Variants in ESRP1 observed in about 807,000 individuals in gnomAD.
ESRP1 encodes epithelial splicing regulatory protein 1.
ESRP1 carries 33 observed loss-of-function variants against 81.7 expected under a neutral mutation model. The observed-to-expected ratio is 0.40, with a 90% CI of 0.31 to 0.54. The LOEUF is 0.54. Among genes scored for constraint, ESRP1 ranks in the 20% least tolerant of loss-of-function variants. The pLI is 0.41. For synonymous variants in ESRP1, 320 were observed against 303.3 expected (o/e 1.06, Z -0.57); for missense variants, 672 against 833.1 (o/e 0.81, Z 2.38).
chr8:94,675,797 C>T (rs1388475545), intron 12 of ESRP1, among the ~76,000 whole-genome samples: 1 of 152,122 alleles, frequency 6.6e-6, no homozygotes, highest in Admixed American at 6.6e-5. Flanking sequence ...TCATTTTTAC[C>T]CATTTTTCCT....
At chr8:94,642,108 C>T (rs1410377368) in intron 2 of ESRP1, 24 bp downstream of exon 2, 1 of 1,605,546 alleles carries the variant, frequency 6.2e-7, no homozygotes, top group Non-Finnish European at 8.5e-7. Flanking sequence ...GTCACGCCAC[C>T]CACCCCAGCC....
At chr8:94,703,113 T>TTG (rs1488223558) in intron 15 of ESRP1, among the ~76,000 whole-genome samples, 1 of 150,848 alleles carries the variant, frequency 6.6e-6, no homozygotes, top group Non-Finnish European at 1.5e-5. Context: ...TGATTGTTTT[T>TTG]TTTTTTTTTT....
At chr8:94,683,629 C>A (rs1458839648) in intron 13 of ESRP1, among the ~76,000 whole-genome samples, 1 of 152,108 alleles carries the variant, frequency 6.6e-6, no homozygotes, top group Non-Finnish European at 1.5e-5. Flanking sequence ...TTTAGTATCA[C>A]AAATGCAGAC....
chr8:94,687,665 C>A (rs1809197427), intron 13 of ESRP1, among the ~76,000 whole-genome samples: 1 of 152,092 alleles, frequency 6.6e-6, no homozygotes, highest in South Asian at 2.1e-4. Flanking sequence ...TTTGCATTTC[C>A]TTAATGAGCA....
At chr8:94,656,931 T>G (rs1818454014) in intron 4 of ESRP1, among the ~76,000 whole-genome samples, 1 of 152,242 alleles carries the variant, frequency 6.6e-6, no homozygotes. Flanking sequence ...GAAGGATAAC[T>G]TTTTAAAGTA....
At chr8:94,705,690 G>A (rs1810042342) in intron 15 of ESRP1, 2 of 502,168 alleles carry the variant, frequency 4.0e-6, no homozygotes, top group Admixed American at 7.5e-5. Flanking sequence ...TAGGAGTGGT[G>A]CAGAACGCCA....
chr8:94,646,698 C>T (rs1353964588), intron 4 of ESRP1, among the ~76,000 whole-genome samples: 1 of 152,052 alleles, frequency 6.6e-6, no homozygotes, highest in Non-Finnish European at 1.5e-5. Flanking sequence ...CCTTTACAAA[C>T]TGCTGTTCAC....
chr8:94,683,034 T>C (rs1251704125), intron 13 of ESRP1, among the ~76,000 whole-genome samples: 6 of 136,102 alleles, frequency 4.4e-5, no homozygotes, highest in Non-Finnish European at 1.5e-5. Flanking sequence ...AGCCTCCGCC[T>C]CCTGGGTTCA....
At chr8:94,647,307 C>A (rs182414139) in intron 4 of ESRP1, among the ~76,000 whole-genome samples, 142 of 152,274 alleles carry the variant, frequency 9.3e-4, no homozygotes, top group African/African-American at 2.9e-3. Flanking sequence ...AGAATTCTTA[C>A]AAGAATTTTG....
chr8:94,670,826 AACT>A (rs1243789375), intron 10 of ESRP1, among the ~76,000 whole-genome samples: 49 of 152,336 alleles, frequency 3.2e-4, no homozygotes, highest in Middle Eastern at 6.8e-3. Context: ...AGGGAAACTA[AACT>A]ACTATTCATC....
chr8:94,697,693 T>C (rs550080170), intron 15 of ESRP1, among the ~76,000 whole-genome samples: 2 of 152,368 alleles, frequency 1.3e-5, no homozygotes, highest in South Asian at 4.1e-4. Context: ...TTTTTAATTA[T>C]CTTTGGTGTG....
chr8:94,678,215 C>A lies in ESRP1; in HGVS notation c.1664C>A (p.Pro555His). The A allele has an allele frequency of 6.2e-7, 1 of 1,613,888 alleles. No homozygotes were observed. Among genetic ancestry groups the A allele is most frequent in the South Asian group, 1.1e-5 (1 of 91,078 alleles). The change falls in exon 13 of 16, where the codon CCC becomes CAC. Residue 555 changes from proline (P) to histidine (H), a missense_variant. Transcript: ENST00000433389. Reference protein sequence around the residue: ...PPCKLPCLSPPSYTFPAPAAV... With the variant: ...PPCKLPCLSPHSYTFPAPAAV... ...TTTGCATATCTAGGCCTGTCTCCTC[C>A]CTCCTACACATTTCCAGCTCCTGCT...
intron 12 of ESRP1, among the ~76,000 whole-genome samples, chr8:94,674,867 T>A (rs1252710818): frequency 3.3e-5 from 5 of 152,224 alleles, no homozygotes; most frequent in African/African-American, 7.2e-5. Flanking sequence ...GGATTCTTTT[T>A]ATTTTATTTT....
chr8:94,695,348 C>CTTTTTTTTTTTTTTTTTT (rs1177357708), intron 14 of ESRP1, among the ~76,000 whole-genome samples: 4 of 61,172 alleles, frequency 6.5e-5, no homozygotes, highest in African/African-American at 2.4e-4. Context: ...CTTTTTCTTT[C>CTTTTTTTTTTTTTTTTTT]TTTTTTTTTT....
At chr8:94,669,011 C>T (rs920076683) in intron 10 of ESRP1, among the ~76,000 whole-genome samples, 4 of 152,036 alleles carry the variant, frequency 2.6e-5, no homozygotes, top group African/African-American at 9.7e-5. Flanking sequence ...TTCTCGAACT[C>T]CTGACCTCAG....
chr8:94,662,836 C>T (rs891974519), intron 6 of ESRP1, among the ~76,000 whole-genome samples: 1 of 152,150 alleles, frequency 6.6e-6, no homozygotes, highest in African/African-American at 2.4e-5. Context: ...TCTCAATCTC[C>T]TGACCTCGTG....
At chr8:94,641,567 G>A in intron 1 of ESRP1, 117 bp downstream of exon 1, 4 of 1,436,088 alleles carry the variant, frequency 2.8e-6, no homozygotes, top group Non-Finnish European at 3.8e-6. Context: ...GCCCACTTGT[G>A]AGTCTGGACC....
intron 15 of ESRP1, among the ~76,000 whole-genome samples, chr8:94,704,766 G>GAAAAAAAA (rs10618511): frequency 1.8e-5 from 2 of 108,752 alleles, no homozygotes; most frequent in Non-Finnish European, 1.8e-5. Context: ...ATCTCTTTTT[G>GAAAAAAAA]AAAAAAAAAA....
chr8:94,670,410 C>CT (rs1300183280), intron 10 of ESRP1, among the ~76,000 whole-genome samples: 1 of 152,102 alleles, frequency 6.6e-6, no homozygotes, highest in Non-Finnish European at 1.5e-5. Flanking sequence ...CTTCTTGTCT[C>CT]TTTTTCATGC....
Sources: gnomAD v4.1 joint callset for allele counts (sites outside exome capture counted in the v4.1 genomes callset) on GRCh38, gnomAD v4.1.1 for gene constraint, MANE v1.5 for transcripts, NCBI Gene and HGNC (gene_info 2026-07-23, HGNC 2026-07-21) for gene names.